Variants in EPHB4 observed in about 807,000 individuals in gnomAD.
EPHB4 encodes ephrin type-B receptor 4.
EPHB4 carries 50 observed loss-of-function variants against 110.6 expected under a neutral mutation model. The ratio of observed to expected loss-of-function variants is 0.45; its 90% CI spans 0.36 to 0.57. The LOEUF (loss-of-function observed/expected upper bound fraction) is 0.57. EPHB4 is among the 20% of genes least tolerant of loss of function. The pLI is 0.00. For missense variants in EPHB4, 1,128 were observed against 1,382.1 expected, an observed-to-expected ratio of 0.82 and a Z score of 2.91; for synonymous variants, 592 against 578.4, an observed-to-expected ratio of 1.02 and a Z score of -0.34.
chr7:100,803,332 T>C lies in EPHB4; in HGVS notation c.*129A>G, dbSNP rs1812738596. 8.6e-7 allele frequency: 1 copy of C among 1,162,300 alleles called. No homozygotes were observed. The highest frequency in any genetic ancestry group is 1.1e-6 in the Non-Finnish European group (1 of 884,058). The allele number at this position is 1,162,300 out of a possible 1,614,324, so 72.0% of individuals were successfully genotyped here. Reference sequence around the variant, plus strand: ...AACCCCCAAATCCTGTCTCTCCAAATTGCCAACTCCTCACCCCACGGGCTC... The same window carrying C: ...AACCCCCAAATCCTGTCTCTCCAAACTGCCAACTCCTCACCCCACGGGCTC... On this transcript the variant is annotated 3_prime_UTR_variant, in exon 17 of 17. Coordinates refer to ENST00000358173, the MANE Select transcript of EPHB4 (RefSeq NM_004444.5).
rs745579125 is a variant in EPHB4 at position 100,819,750 on chromosome 7, G to A, written c.1104C>T (p.Gly368=). 8 of 1,606,874 alleles carry A rather than the reference G, an allele frequency of 5.0e-6. No individual in the cohort carries two copies. Among genetic ancestry groups the A allele is most frequent in the South Asian group, 2.2e-5 (2 of 90,494 alleles). ...ALRCRECRPG[G]SCAPCGGDLT... The stretch of plus-strand genomic sequence containing the variant: ...GGTCTCCCCCGCAGGGCGCACAGGA[G>A]CCTCCGGGTCGGCACTCCCGGCAGC... Residue 368 remains glycine (G), a synonymous_variant, in exon 6 of 17, where the codon GGC becomes GGT. Coordinates refer to ENST00000358173, the MANE Select transcript of EPHB4 (RefSeq NM_004444.5).
intron 9 of EPHB4, 51 bp downstream of exon 9, chr7:100,813,868 G>C (rs763036669): frequency 1.2e-6 from 2 of 1,609,336 alleles, no homozygotes; most frequent in Non-Finnish European, 1.7e-6. Context: ...ACCCAGGCAG[G>C]TGGCCATCAA....
In EPHB4 at chr7:100,822,753, C is replaced by T. The variant is rs944098362; in HGVS notation, c.412-86G>A. 16 of 1,432,262 alleles carry T rather than the reference C, an allele frequency of 1.1e-5. No homozygotes were observed. Among genetic ancestry groups the T allele is most frequent in the African/African-American group, 2.9e-5 (2 of 69,700 alleles). The allele number at this position is 1,432,262 out of a possible 1,614,324, so 88.7% of individuals were successfully genotyped here. A position where few individuals can be genotyped will look rare whatever the true frequency, so the allele number is the denominator to read the frequency against. On this transcript the variant is annotated intron_variant, in intron 3 of 16. Transcript: ENST00000358173. The surrounding 1 kb of genome is among the most constrained non-coding windows in gnomAD (Gnocchi z 4.7). ...TTGTGTTCTTCCCAGCTCACCCTCCCGGACCTCCTTGGTTCCCGTTCCAGA... is the reference window on the plus strand; with the variant it reads ...TTGTGTTCTTCCCAGCTCACCCTCCTGGACCTCCTTGGTTCCCGTTCCAGA...
rs35304729 is a variant in EPHB4 at position 100,817,082 on chromosome 7, CAAAAAA to C, written c.1588+104_1588+109del. On this transcript the variant is annotated intron_variant, in intron 8 of 16. Coordinates refer to ENST00000358173, the MANE Select transcript of EPHB4 (RefSeq NM_004444.5). Reference sequence around the variant, plus strand: ...TGAGGGACAGAGCAAGACTCCATCTCAAAAAAAAAAAAAAAAAAAAAAGATGATGGG... The same window carrying C: ...TGAGGGACAGAGCAAGACTCCATCTCAAAAAAAAAAAAAAAAGATGATGGG... The C allele has an allele frequency of 0.27, 208,228 of 777,820 alleles. 6,981 individuals are homozygous for C. Among genetic ancestry groups the C allele is most frequent in the Non-Finnish European group, 0.29 (171,522 of 593,154 alleles). The allele number at this position is 777,820 out of a possible 1,614,324, so 48.2% of individuals were successfully genotyped here.
At chr7:100,804,957 C>T (rs1411222920) in intron 16 of EPHB4, among the ~76,000 whole-genome samples, 1 of 152,160 alleles carries the variant, frequency 6.6e-6, no homozygotes, top group African/African-American at 2.4e-5. Context: ...GGAGGTGAGG[C>T]GGGCAGGCTG....
chr7:100,816,759 T>C (rs950585808), intron 8 of EPHB4, among the ~76,000 whole-genome samples: 3 of 152,028 alleles, frequency 2.0e-5, no homozygotes, highest in Non-Finnish European at 4.4e-5. Context: ...CTCTAGGGCA[T>C]GCCATGTGAT....
chr7:100,814,820 G>A (rs1813027104), intron 8 of EPHB4, among the ~76,000 whole-genome samples: 1 of 151,892 alleles, frequency 6.6e-6, no homozygotes. Flanking sequence ...TTCAAGACCA[G>A]CCTGGGAAAC....
chr7:100,826,828 C>G, intron 1 of EPHB4, 151 bp downstream of exon 1: 3 of 785,292 alleles, frequency 3.8e-6, no homozygotes, highest in South Asian at 6.3e-5. Context: ...CCCCGCCCCC[C>G]TCCCGTTCCA....
At chr7:100,820,110 A>G (rs772331352) in intron 5 of EPHB4, 31 bp downstream of exon 5, 1 of 1,607,684 alleles carries the variant, frequency 6.2e-7, no homozygotes, top group Non-Finnish European at 8.5e-7. Flanking sequence ...ACCCCTCCCC[A>G]GTGAACTGCA....
At chr7:100,805,430 T>C in intron 15 of EPHB4, 71 bp downstream of exon 15, 1 of 1,563,668 alleles carries the variant, frequency 6.4e-7, no homozygotes, top group Non-Finnish European at 8.7e-7. Flanking sequence ...CCAACACCAA[T>C]GAACGGACAC....
chr7:100,816,340 T>C (rs1475342832), intron 8 of EPHB4, among the ~76,000 whole-genome samples: 1 of 142,638 alleles, frequency 7.0e-6, no homozygotes, highest in South Asian at 2.3e-4. Context: ...TGCGGTGAGC[T>C]TTTTTTTTTT....
rs143761148 is a variant in EPHB4, at chr7:100,816,370, G to A, written c.1588+822C>T. ...TTTTTTTGAGACAGAGTCTTGCTCT[G>A]TTGCCCAGGCTGGAGTGCACTGGCA... is the stretch of plus-strand genomic sequence containing the variant. On this transcript the variant is annotated intron_variant, in intron 8 of 16. Transcript: ENST00000358173. Among the ~76,000 whole-genome samples, 1,324 of 150,404 alleles carry A rather than the reference G, an allele frequency of 8.8e-3. 29 individuals are homozygous for A. The highest frequency in any genetic ancestry group is 0.031 in the African/African-American group (1,259 of 40,986).
In EPHB4 at chr7:100,806,434, T is replaced by C. The variant is rs778178721; in HGVS notation, c.2470A>G (p.Met824Val). 2.5e-6 allele frequency: 4 copies of C among 1,613,772 alleles called. No homozygotes were observed. The highest frequency in any genetic ancestry group is 2.5e-6 in the Non-Finnish European group (3 of 1,179,846). ...MSFGERPYWD[M>V]SNQDVINAIE... is the part of the protein sequence containing the mutation. ...GGGACACTTACGTCCTGATTGCTCA[T>C]GTCCCAGTACGGCCTCTCCCCAAAT... The change falls in exon 14 of 17, where the codon ATG becomes GTG. Residue 824 changes from methionine (M) to valine (V), a missense_variant. By Grantham distance (21) the Met-to-Val change is conservative. Around this residue, in one of 3 missense-constraint regions of EPHB4, gnomAD observed 209 missense variants for 240.5 expected, o/e 0.87. Coordinates refer to ENST00000358173, the MANE Select transcript of EPHB4 (RefSeq NM_004444.5).
intron 12 of EPHB4, among the ~76,000 whole-genome samples, chr7:100,810,571 C>CAT (rs1387428983): frequency 3.3e-5 from 5 of 151,260 alleles, no homozygotes; most frequent in Non-Finnish European, 5.9e-5. Flanking sequence ...GCGAGACCCC[C>CAT]ATCTCCGTAA....
intron 14 of EPHB4, chr7:100,806,199 A>T: frequency 9.7e-6 from 4 of 413,474 alleles, no homozygotes; most frequent in Non-Finnish European, 1.3e-5. Context: ...ACCTTAGGTG[A>T]TCTGCCCACC....
In EPHB4 at chr7:100,823,765, C is replaced by T. The variant is rs1488403892; in HGVS notation, c.290G>A (p.Cys97Tyr). ...GCGCCCAGCCCGAGGCAGGGACAGG[C>T]ACTCGAGCATGGTGAAGCGCAGCGT... ...YATLRFTMLE[C>Y]LSLPRAGRSC... Residue 97 changes from cysteine to tyrosine, a missense_variant, in exon 3 of 17, where the codon TGC (cysteine) becomes TAC (tyrosine). Transcript: ENST00000358173. The T allele has an allele frequency of 6.2e-7, 1 of 1,613,482 alleles. No individual in the cohort carries two copies. The highest frequency in any genetic ancestry group is 8.5e-7 in the Non-Finnish European group (1 of 1,179,972).
chr7:100,808,228 GT>G (rs1227942508), intron 12 of EPHB4, among the ~76,000 whole-genome samples: 2 of 151,830 alleles, frequency 1.3e-5, no homozygotes, highest in Non-Finnish European at 2.9e-5. Context: ...CTGTTTTTTA[GT>G]TTTTTTAGAG....
Position 100,805,158 on chromosome 7 carries a change from C to G in EPHB4, c.2834+8G>C, listed in dbSNP as rs1489922161. 6.2e-7 allele frequency: 1 copy of G among 1,611,254 alleles called. No homozygotes were observed. The highest frequency in any genetic ancestry group is 8.5e-7 in the Non-Finnish European group (1 of 1,178,802). ...CCCAGCCCCACTCCAGCTCCTGCCA[C>G]TGCTTACTCAGCAGAGATCTGGCTG... On this transcript the variant is annotated splice_region_variant and intron_variant, in intron 16 of 16. Coordinates refer to ENST00000358173, the MANE Select transcript of EPHB4 (RefSeq NM_004444.5).
At position 100,807,600 on chromosome 7, in the gene EPHB4, G is replaced by A. The variant is rs1443358303; in HGVS notation, c.2119-20C>T. The A allele has an allele frequency of 2.5e-6, 4 of 1,607,870 alleles. No individual in the cohort carries two copies. In the Admixed American group the frequency reaches 5.0e-5, roughly 20 times the overall value. On this transcript the variant is annotated intron_variant, in intron 12 of 16. Coordinates refer to ENST00000358173, the MANE Select transcript of EPHB4 (RefSeq NM_004444.5). ...GTTTAGCTGGAGAGCAGATAGGGTG[G>A]GGGCTTGGTGAGGACAGCCCACCCA...
Sources: allele counts gnomAD v4.1 joint callset (sites outside exome capture counted in the v4.1 genomes callset), GRCh38; gene constraint gnomAD v4.1.1; regional missense constraint gnomAD v4.1.1; non-coding constraint Gnocchi (gnomAD v3.1); transcripts MANE v1.5; gene names NCBI Gene and HGNC (gene_info 2026-07-23, HGNC 2026-07-21).